RASSF8: variants seen among roughly 807,000 people sequenced by gnomAD.
RASSF8 encodes ras association domain-containing protein 8.
RASSF8 carries 22 observed loss-of-function variants against 48.5 expected under a neutral mutation model. The ratio of observed to expected loss-of-function variants is 0.45; its 90% CI spans 0.32 to 0.65. The LOEUF (loss-of-function observed/expected upper bound fraction) is 0.65. RASSF8 is among the 30% of genes least tolerant of loss of function. RASSF8 has a pLI of 0.03. For missense variants in RASSF8, 418 were observed against 489.2 expected, an observed-to-expected ratio of 0.85 and a Z score of 1.37; for synonymous variants, 127 against 171.5, an observed-to-expected ratio of 0.74 and a Z score of 2.03.
At chr12:25,989,973 G>A (rs991263368) in intron 1 of RASSF8, among the ~76,000 whole-genome samples, 1 of 152,150 alleles carries the variant, frequency 6.6e-6, no homozygotes, top group Non-Finnish European at 1.5e-5. Flanking sequence ...TGAAATCTTA[G>A]TTTCTTCATG....
chr12:25,971,194 T>C (rs1010482421), intron 1 of RASSF8, among the ~76,000 whole-genome samples: 6 of 152,202 alleles, frequency 3.9e-5, no homozygotes, highest in African/African-American at 1.4e-4. Flanking sequence ...ATGTCCTTGC[T>C]GCTGGATGTT....
chr12:26,075,916 C>T (rs1163175568), downstream of RASSF8, among the ~76,000 whole-genome samples: 1 of 152,138 alleles, frequency 6.6e-6, no homozygotes, highest in African/African-American at 2.4e-5. Context: ...TGGGCACAGC[C>T]ACAAACTGCT....
At chr12:26,057,577 G>T (rs1282047510) in intron 3 of RASSF8, among the ~76,000 whole-genome samples, 1 of 152,158 alleles carries the variant, frequency 6.6e-6, no homozygotes, top group African/African-American at 2.4e-5. Context: ...GAATAGTGCT[G>T]CAATAAACAT....
chr12:26,076,926 G>C (rs1944077879), downstream of RASSF8, among the ~76,000 whole-genome samples: 1 of 152,204 alleles, frequency 6.6e-6, no homozygotes, highest in Non-Finnish European at 1.5e-5. Context: ...TCCAGCATCT[G>C]TTGTTTCCTG....
At position 25,995,079 on chromosome 12, in the gene RASSF8, C is replaced by T. The variant is rs1285550354; in HGVS notation, c.-160C>T. The T allele has an allele frequency of 6.6e-6, 1 of 152,138 alleles. No homozygotes were observed. The highest frequency in any genetic ancestry group is 2.4e-5 in the African/African-American group (1 of 41,360). The allele number at this position is 152,138 out of a possible 1,614,324, so 9.4% of individuals were successfully genotyped here. ...CCTAGAATACCTGTGTGGTGCTGTC[C>T]TTCCTCAAGACTACCTCATTCTCAC... On this transcript the variant is annotated 5_prime_UTR_variant, in exon 2 of 6. Coordinates refer to ENST00000689635, the MANE Select transcript of RASSF8 (RefSeq NM_001394098.1).
At chr12:26,063,370 G>A (rs964770802) in intron 3 of RASSF8, among the ~76,000 whole-genome samples, 8 of 151,962 alleles carry the variant, frequency 5.3e-5, no homozygotes, top group Admixed American at 4.6e-4. Context: ...ATTTTTCAAT[G>A]TATATGTGAT....
At chr12:26,052,177 A>C (rs990761362) in intron 2 of RASSF8, among the ~76,000 whole-genome samples, 5 of 152,238 alleles carry the variant, frequency 3.3e-5, no homozygotes, top group African/African-American at 1.2e-4. Flanking sequence ...TTGGGATTAC[A>C]AACAAATTTT....
chr12:26,011,890 A>G lies in RASSF8; in HGVS notation c.-109+16760A>G, dbSNP rs549219410. ...GTATTTATTATATTAGCCCAAATGG[A>G]CTAACACAGTGACTCATGAACTTCA... On this transcript the variant is annotated intron_variant, in intron 2 of 5. Coordinates refer to ENST00000689635, the MANE Select transcript of RASSF8 (RefSeq NM_001394098.1). The G allele has an allele frequency of 1.6e-4, 24 of 152,354 alleles. No individual in the cohort carries two copies. The East Asian group carries it at 4.6e-3, about 29-fold the overall frequency. 9.4% of individuals were successfully genotyped at this position (152,354 alleles called of 1,614,324 possible). A position where few individuals can be genotyped will look rare whatever the true frequency, so the allele number is the denominator to read the frequency against.
chr12:25,964,942 A>G (rs1056964929), intron 1 of RASSF8, among the ~76,000 whole-genome samples: 2 of 151,874 alleles, frequency 1.3e-5, no homozygotes, highest in African/African-American at 4.8e-5. Context: ...TATTTAATTA[A>G]TTAATTTATA....
intron 2 of RASSF8, among the ~76,000 whole-genome samples, chr12:26,046,951 T>C (rs1565635150): frequency 6.6e-6 from 1 of 152,206 alleles, no homozygotes; most frequent in African/African-American, 2.4e-5. Context: ...AGCCATGAAA[T>C]AGCACATGTA....
chr12:26,032,936 A>C (rs1332319548), intron 2 of RASSF8, among the ~76,000 whole-genome samples: 1 of 152,218 alleles, frequency 6.6e-6, no homozygotes, highest in Non-Finnish European at 1.5e-5. Context: ...TACCAAAGCT[A>C]AAATATTACA....
At chr12:26,004,843 TG>T (rs1340233404) in intron 2 of RASSF8, among the ~76,000 whole-genome samples, 1 of 152,070 alleles carries the variant, frequency 6.6e-6, no homozygotes, top group Non-Finnish European at 1.5e-5. Flanking sequence ...AATTGTTCAT[TG>T]AAAAAAAGTA....
intron 2 of RASSF8, among the ~76,000 whole-genome samples, chr12:26,044,358 CAGATATATTAATGAAAT>C (rs1346358513): frequency 1.3e-5 from 2 of 152,144 alleles, no homozygotes; most frequent in Non-Finnish European, 2.9e-5. Context: ...TAGTGGAAGT[CAGATATATTAATGAAAT>C]GCAAATATAT....
At chr12:26,058,225 C>T (rs932553481) in intron 3 of RASSF8, among the ~76,000 whole-genome samples, 2 of 152,168 alleles carry the variant, frequency 1.3e-5, no homozygotes, top group African/African-American at 2.4e-5. Flanking sequence ...CTTTCTGTAT[C>T]GTAAATACTT....
intron 2 of RASSF8, among the ~76,000 whole-genome samples, chr12:26,023,038 G>A (rs1229867621): frequency 2.6e-5 from 4 of 152,158 alleles, no homozygotes; most frequent in Middle Eastern, 3.2e-3. Context: ...GAGCCACCAT[G>A]CCTGGCCAGT....
chr12:26,004,092 G>C (rs948042728), intron 2 of RASSF8, among the ~76,000 whole-genome samples: 2 of 152,154 alleles, frequency 1.3e-5, no homozygotes, highest in Non-Finnish European at 2.9e-5. Flanking sequence ...TGAAAGGATT[G>C]TTTGAGCCTG....
chr12:26,073,855 T>TATAC (rs1555171969), downstream of RASSF8, among the ~76,000 whole-genome samples: 1 of 125,370 alleles, frequency 8.0e-6, no homozygotes, highest in Non-Finnish European at 1.8e-5. Context: ...CACACATATA[T>TATAC]ATATATTTAG....
At chr12:25,974,422 C>A (rs1414857317) in intron 1 of RASSF8, among the ~76,000 whole-genome samples, 2 of 151,902 alleles carry the variant, frequency 1.3e-5, no homozygotes, top group African/African-American at 4.8e-5. Context: ...AGGTATTTAT[C>A]CTACAAGGGA....
chr12:26,074,430 C>T (rs574981165), downstream of RASSF8, among the ~76,000 whole-genome samples: 2 of 152,212 alleles, frequency 1.3e-5, no homozygotes, highest in East Asian at 1.9e-4. Context: ...GCAACCTCCC[C>T]TTCCTGGGTT....
Sources: gnomAD v4.1 joint callset for allele counts (sites outside exome capture counted in the v4.1 genomes callset) on GRCh38, gnomAD v4.1.1 for gene constraint, MANE v1.5 for transcripts, NCBI Gene and HGNC (gene_info 2026-07-23, HGNC 2026-07-21) for gene names.